The following RMDN2 variants were observed in gnomAD, a reference collection of about 807,000 sequenced individuals.
RMDN2 encodes regulator of microtubule dynamics 2, also known as regulator of microtubule dynamics protein 2.
Under a neutral mutation model 52.8 loss-of-function variants are expected in RMDN2, and 61 were observed. The ratio of observed to expected loss-of-function variants is 1.16; its 90% CI spans 0.94 to 1.43. RMDN2 has a LOEUF of 1.43. Ranked by LOEUF, RMDN2 falls within the 40% of genes most tolerant of loss-of-function variation. RMDN2 has a pLI of 0.00. For missense variants in RMDN2, 592 were observed against 475.3 expected, an observed-to-expected ratio of 1.25 and a Z score of -2.28; for synonymous variants, 180 against 153.1, an observed-to-expected ratio of 1.18 and a Z score of -1.30.
intron 2 of RMDN2, among the ~76,000 whole-genome samples, chr2:37,969,183 A>G (rs1486062295): frequency 2.6e-5 from 4 of 152,030 alleles, no homozygotes; most frequent in Non-Finnish European, 4.4e-5. Context: ...TGGTTCTTCA[A>G]AATTGTCTTG....
At chr2:38,028,811 A>G (rs1421956178) in intron 10 of RMDN2, among the ~76,000 whole-genome samples, 1 of 152,040 alleles carries the variant, frequency 6.6e-6, no homozygotes, top group Non-Finnish European at 1.5e-5. Flanking sequence ...CCCTTTTTAT[A>G]TCCTTCTCCT....
intron 2 of RMDN2, among the ~76,000 whole-genome samples, chr2:37,972,940 G>A (rs1362584564): frequency 1.3e-5 from 2 of 152,160 alleles, no homozygotes; most frequent in East Asian, 3.8e-4. Flanking sequence ...TCTTTGTAAG[G>A]CATATGAAAG....
rs1350192850 is a variant in RMDN2, at chr2:37,925,307, G to GCCGCGGCGCGGGACCTTAGGAC, written c.-128_-107dup. 8 of 152,270 alleles carry GCCGCGGCGCGGGACCTTAGGAC rather than the reference G, an allele frequency of 5.3e-5. No individual in the cohort carries two copies. The highest frequency in any genetic ancestry group is 1.2e-4 in the African/African-American group (5 of 41,460). The allele number at this position is 152,270 out of a possible 1,614,324, so 9.4% of individuals were successfully genotyped here. A position where few individuals can be genotyped will look rare whatever the true frequency, so the allele number is the denominator to read the frequency against. On this transcript the variant is annotated 5_prime_UTR_variant, in exon 1 of 11. Transcript: ENST00000354545. The stretch of plus-strand genomic sequence containing the variant: ...CCGCTATCTGGGTCAGGACGCGACG[G>GCCGCGGCGCGGGACCTTAGGAC]CCGCGGCGCGGGACCTTAGGACCCG...
chr2:38,012,569 G>C (rs563559881), intron 10 of RMDN2: 1 of 466,750 alleles, frequency 2.1e-6, no homozygotes, highest in Admixed American at 2.4e-5. Flanking sequence ...AATAGTATGA[G>C]CAAATATTTC....
intron 2 of RMDN2, among the ~76,000 whole-genome samples, chr2:37,945,049 A>T (rs938443074): frequency 1.3e-5 from 2 of 152,146 alleles, no homozygotes; most frequent in East Asian, 1.9e-4. Flanking sequence ...TCACTTGCAG[A>T]CTCTTGGGAA....
chr2:37,927,036 T>C (rs1348986046), intron 1 of RMDN2, among the ~76,000 whole-genome samples: 1 of 152,276 alleles, frequency 6.6e-6, no homozygotes, highest in Non-Finnish European at 1.5e-5. Context: ...GTGTCATTTT[T>C]CAAATTATCA....
At chr2:37,957,910 C>T (rs537546155) in intron 2 of RMDN2, among the ~76,000 whole-genome samples, 201 of 152,246 alleles carry the variant, frequency 1.3e-3, no homozygotes, top group African/African-American at 4.6e-3. Context: ...GGAATCCTTT[C>T]CCCTTGCTTG....
chr2:38,058,676 G>C (rs1015686187), intron 10 of RMDN2, among the ~76,000 whole-genome samples: 3 of 152,130 alleles, frequency 2.0e-5, no homozygotes, highest in Non-Finnish European at 4.4e-5. Context: ...TTTTATCAAG[G>C]TGTTCGTTTT....
At chr2:37,936,362 G>A (rs370044202) in intron 2 of RMDN2, among the ~76,000 whole-genome samples, 167 of 152,264 alleles carry the variant, frequency 1.1e-3, no homozygotes, top group Middle Eastern at 6.8e-3. Context: ...ATACGTGTGC[G>A]TGTGTCTTTA....
chr2:38,060,868 G>C (rs147520021), intron 10 of RMDN2, among the ~76,000 whole-genome samples: 2 of 152,172 alleles, frequency 1.3e-5, no homozygotes, highest in South Asian at 4.1e-4. Context: ...AACAGAACAC[G>C]AGGCTGCCTG....
intron 8 of RMDN2, among the ~76,000 whole-genome samples, chr2:38,002,460 G>A (rs1376973445): frequency 1.3e-5 from 2 of 151,616 alleles, no homozygotes; most frequent in Non-Finnish European, 2.9e-5. Context: ...ATGAAAATGT[G>A]TTTGTAATAT....
At chr2:37,988,968 G>A (rs930834433) in intron 5 of RMDN2, among the ~76,000 whole-genome samples, 5 of 152,248 alleles carry the variant, frequency 3.3e-5, no homozygotes, top group Middle Eastern at 3.4e-3. Context: ...AAGGGTTGAA[G>A]GAGAAGGGGA....
At chr2:38,046,977 T>C (rs1462873069) in intron 10 of RMDN2, among the ~76,000 whole-genome samples, 1 of 151,840 alleles carries the variant, frequency 6.6e-6, no homozygotes, top group African/African-American at 2.4e-5. Flanking sequence ...AGTGAGATTC[T>C]GTCTTGAAAA....
At chr2:38,028,007 A>C (rs1228332914) in intron 10 of RMDN2, 1 of 152,168 alleles carries the variant, frequency 6.6e-6, no homozygotes, top group Non-Finnish European at 1.5e-5. Context: ...CCACTAATTC[A>C]TTTATTTATT....
At chr2:37,960,701 T>C (rs1321791775) in intron 2 of RMDN2, among the ~76,000 whole-genome samples, 1 of 152,256 alleles carries the variant, frequency 6.6e-6, no homozygotes, top group Non-Finnish European at 1.5e-5. Flanking sequence ...TTAAGGTTAA[T>C]ATTGTTATAT....
At chr2:37,933,792 G>A (rs1293591618) in intron 2 of RMDN2, among the ~76,000 whole-genome samples, 1 of 152,122 alleles carries the variant, frequency 6.6e-6, no homozygotes, top group Non-Finnish European at 1.5e-5. Flanking sequence ...CCGTGGAAAG[G>A]GGAGAGGGAG....
chr2:37,926,475 TA>T (rs1666286760), intron 1 of RMDN2, among the ~76,000 whole-genome samples: 1 of 152,238 alleles, frequency 6.6e-6, no homozygotes, highest in Admixed American at 6.5e-5. Flanking sequence ...TAATCTATAT[TA>T]AAATGTCATT....
At chr2:38,022,165 T>C (rs940320412), downstream of RMDN2, among the ~76,000 whole-genome samples, 3 of 152,190 alleles carry the variant, frequency 2.0e-5, no homozygotes, top group African/African-American at 7.2e-5. Context: ...TAGATAAAGA[T>C]GAGGAAACAA....
chr2:38,011,125 A>G (rs1010645093), intron 10 of RMDN2, among the ~76,000 whole-genome samples: 3 of 152,208 alleles, frequency 2.0e-5, no homozygotes, highest in African/African-American at 7.2e-5. Context: ...GCCTAGAGTA[A>G]GGGGAGTGAC....
Sources: gnomAD v4.1 joint callset for allele counts (sites outside exome capture counted in the v4.1 genomes callset) on GRCh38, gnomAD v4.1.1 for gene constraint, MANE v1.5 for transcripts, NCBI Gene and HGNC (gene_info 2026-07-23, HGNC 2026-07-21) for gene names.